The following FIP1L1 variants were observed in gnomAD, a reference collection of about 807,000 sequenced individuals.
FIP1L1 encodes pre-mRNA 3'-end-processing factor FIP1.
A neutral mutation model predicts 84.6 loss-of-function variants in FIP1L1; 21 were observed. The ratio of observed to expected loss-of-function variants is 0.25; its 90% CI spans 0.18 to 0.36. The LOEUF is 0.36. FIP1L1 is among the 10% of genes least tolerant of loss of function. FIP1L1 has a pLI of 1.00. For missense variants in FIP1L1, 526 were observed against 751.1 expected, an observed-to-expected ratio of 0.70 and a Z score of 3.50; for synonymous variants, 263 against 242.3, an observed-to-expected ratio of 1.09 and a Z score of -0.80.
chr4:53,382,200 C>A, intron 3 of FIP1L1, 78 bp from the exon 4 acceptor site: 2 of 1,002,384 alleles, frequency 2.0e-6, no homozygotes, highest in East Asian at 2.5e-5. Context: ...TTTATTAAAG[C>A]TTAGAAATAC....
chr4:53,423,338 T>C (rs1011777478), intron 11 of FIP1L1, among the ~76,000 whole-genome samples: 2 of 152,184 alleles, frequency 1.3e-5, no homozygotes, highest in African/African-American at 4.8e-5. Flanking sequence ...ATTAGCTGTC[T>C]ACCTTACTGA....
intron 15 of FIP1L1, among the ~76,000 whole-genome samples, chr4:53,448,365 TTTAA>T (rs1428833282): frequency 6.6e-6 from 1 of 152,092 alleles, no homozygotes; most frequent in Non-Finnish European, 1.5e-5. Flanking sequence ...CCATAATATC[TTTAA>T]TTATGAGTTT....
At position 53,377,665 on chromosome 4, in the gene FIP1L1, T is replaced by C. The variant is rs569788943; in HGVS notation, c.-174T>C. 295 of 587,098 alleles carry C rather than the reference T, an allele frequency of 5.0e-4. No individual in the cohort carries two copies. Among genetic ancestry groups the C allele is most frequent in the Non-Finnish European group, 7.2e-4 (249 of 346,210 alleles). The allele number at this position is 587,098 out of a possible 1,614,324, so 36.4% of individuals were successfully genotyped here. On this transcript the variant is annotated 5_prime_UTR_variant, in exon 1 of 18. Transcript: ENST00000337488. ...TGCGCATGCGCAGACGGACCTGCGCTGGAGGCTTCATCTTTGCCGCCGCTG... is the reference window on the plus strand; with the variant it reads ...TGCGCATGCGCAGACGGACCTGCGCCGGAGGCTTCATCTTTGCCGCCGCTG...
At chr4:53,385,992 G>A (rs1335974523) in intron 5 of FIP1L1, among the ~76,000 whole-genome samples, 1 of 150,584 alleles carries the variant, frequency 6.6e-6, no homozygotes, top group Non-Finnish European at 1.5e-5. Flanking sequence ...CTGTGTCCAA[G>A]GACTGAATTG....
chr4:53,434,816 G>A (rs541397054), intron 13 of FIP1L1, among the ~76,000 whole-genome samples: 2 of 152,284 alleles, frequency 1.3e-5, no homozygotes, highest in South Asian at 4.1e-4. Flanking sequence ...AGATTCAGTA[G>A]GGTCTCAGGG....
At chr4:53,421,089 A>C (rs966815638) in intron 11 of FIP1L1, among the ~76,000 whole-genome samples, 2 of 152,194 alleles carry the variant, frequency 1.3e-5, no homozygotes, top group Non-Finnish European at 2.9e-5. Flanking sequence ...TATGCAGGCA[A>C]GGTTGAGAAC....
chr4:53,385,014 A>G (rs1740166141), intron 5 of FIP1L1, among the ~76,000 whole-genome samples: 1 of 152,172 alleles, frequency 6.6e-6, no homozygotes, highest in African/African-American at 2.4e-5. Context: ...TATTATAATA[A>G]TGACTACCCA....
intron 7 of FIP1L1, 28 bp downstream of exon 7, chr4:53,390,656 TC>T (rs773486825): frequency 6.8e-7 from 1 of 1,467,462 alleles, no homozygotes; most frequent in Non-Finnish European, 9.3e-7. Flanking sequence ...TATATTAATT[TC>T]AATATTTTCA....
At chr4:53,408,747 A>C (rs1329553309) in intron 10 of FIP1L1, among the ~76,000 whole-genome samples, 1 of 151,808 alleles carries the variant, frequency 6.6e-6, no homozygotes, top group Non-Finnish European at 1.5e-5. Flanking sequence ...CATTCATTTG[A>C]TCTTGCATCA....
At chr4:53,425,682 A>G (rs1335049103) in intron 11 of FIP1L1, among the ~76,000 whole-genome samples, 190 bp from the exon 12 acceptor site, 1 of 152,144 alleles carries the variant, frequency 6.6e-6, no homozygotes, top group African/African-American at 2.4e-5. Flanking sequence ...TAGCTTGTTT[A>G]TTAATAAAAA....
intron 10 of FIP1L1, among the ~76,000 whole-genome samples, chr4:53,402,546 A>G (rs1418925238): frequency 1.3e-5 from 2 of 152,266 alleles, no homozygotes; most frequent in Admixed American, 1.3e-4. Context: ...AACTAAAAAT[A>G]CAAAAATTAG....
intron 5 of FIP1L1, among the ~76,000 whole-genome samples, chr4:53,385,322 G>A (rs1198165039): frequency 6.6e-6 from 1 of 151,996 alleles, no homozygotes; most frequent in African/African-American, 2.4e-5. Context: ...TTATGGATGG[G>A]ACCTTTTTTT....
At position 53,460,753 on chromosome 4, in the gene FIP1L1, A is replaced by C. The variant is rs1289221646; in HGVS notation, c.*1304A>C. The C allele has an allele frequency of 1.4e-6, 1 of 710,794 alleles. No homozygotes were observed. Among genetic ancestry groups the C allele is most frequent in the Admixed American group, 3.5e-5 (1 of 28,782 alleles). The allele number at this position is 710,794 out of a possible 1,614,324, so 44.0% of individuals were successfully genotyped here. On this transcript the variant is annotated 3_prime_UTR_variant, in exon 18 of 18. Coordinates refer to ENST00000337488, the MANE Select transcript of FIP1L1 (RefSeq NM_030917.4). ...AATTTTTTTGGAATCATATTTTCTG[A>C]GGTGTAACTGGCTTTCATTAGATGA...
chr4:53,434,890 G>C (rs1156529956), intron 13 of FIP1L1, among the ~76,000 whole-genome samples: 1 of 152,118 alleles, frequency 6.6e-6, no homozygotes, highest in Non-Finnish European at 1.5e-5. Flanking sequence ...GGCCTGTATT[G>C]GATGAATATT....
chr4:53,382,296 A>C lies in FIP1L1; in HGVS notation c.189A>C (p.Gly63=). 1 of 1,613,592 alleles carries C rather than the reference A, an allele frequency of 6.2e-7. No homozygotes were observed. The highest frequency in any genetic ancestry group is 8.5e-7 in the Non-Finnish European group (1 of 1,179,578). ...EENASANPPS[G]IEDETAENGV... ...TTTGTAGTGCTAATCCTCCATCTGGAATTGAAGATGAAACTGCTGAAAATG... is the reference window on the plus strand; with the variant it reads ...TTTGTAGTGCTAATCCTCCATCTGGCATTGAAGATGAAACTGCTGAAAATG... The change falls in exon 4 of 18, where the codon GGA becomes GGC. Residue 63 remains glycine, a synonymous_variant. Transcript: ENST00000337488.
At chr4:53,408,495 G>A (rs1755102309) in intron 10 of FIP1L1, among the ~76,000 whole-genome samples, 1 of 152,136 alleles carries the variant, frequency 6.6e-6, no homozygotes, top group African/African-American at 2.4e-5. Flanking sequence ...TTCTCAAGGA[G>A]TATCTTTGTG....
At chr4:53,401,243 G>A (rs1043270148) in intron 10 of FIP1L1, among the ~76,000 whole-genome samples, 5 of 152,120 alleles carry the variant, frequency 3.3e-5, no homozygotes, top group African/African-American at 1.2e-4. Context: ...TCTGTACTTT[G>A]CCTTTTGTTT....
rs139996901 is a variant in FIP1L1, at chr4:53,407,338, C to T, written c.816-7277C>T. Among the ~76,000 whole-genome samples the T allele has an allele frequency of 3.0e-3, 463 of 152,218 alleles. 3 individuals carry two copies. Among genetic ancestry groups the T allele is most frequent in the South Asian group, 0.026 (126 of 4,816 alleles). On this transcript the variant is annotated intron_variant, in intron 10 of 17. Coordinates refer to ENST00000337488, the MANE Select transcript of FIP1L1 (RefSeq NM_030917.4). ...AGCGGTTCTGAGTGAGTTTCTTAAT[C>T]CTGAGTTCTAGTTTGATTGCACTGT...
At chr4:53,425,776 A>G (rs1216835758) in intron 11 of FIP1L1, 96 bp from the exon 12 acceptor site, 1 of 834,720 alleles carries the variant, frequency 1.2e-6, no homozygotes, top group African/African-American at 1.7e-5. Context: ...TTTAAAATTT[A>G]TTGCAAACAC....
Sources: gnomAD v4.1 joint callset for allele counts (sites outside exome capture counted in the v4.1 genomes callset) on GRCh38, gnomAD v4.1.1 for gene constraint, MANE v1.5 for transcripts, NCBI Gene and HGNC (gene_info 2026-07-23, HGNC 2026-07-21) for gene names.